GLYATL2: variants seen among roughly 807,000 people sequenced by gnomAD.
GLYATL2 encodes the protein glycine-N-acyltransferase like 2.
GLYATL2 carries 25 observed loss-of-function variants against 21.4 expected under a neutral mutation model. The ratio of observed to expected loss-of-function variants is 1.17; its 90% CI spans 0.85 to 1.63. The LOEUF is 1.63. GLYATL2 is among the 40% of genes most tolerant of loss of function. The pLI is 0.00. For synonymous variants in GLYATL2, 114 were observed against 118.2 expected (o/e 0.96, Z 0.23); for missense variants, 361 against 343.3 (o/e 1.05, Z -0.41).
chr11:58,852,265 C>T (rs1405381776), intron 1 of GLYATL2, among the ~76,000 whole-genome samples: 4 of 152,070 alleles, frequency 2.6e-5, no homozygotes, highest in African/African-American at 9.7e-5. Context: ...TATTAGATAC[C>T]CAACCCCATC....
At chr11:58,849,212 G>T (rs1257864971), upstream of GLYATL2, among the ~76,000 whole-genome samples, 1 of 152,106 alleles carries the variant, frequency 6.6e-6, no homozygotes, top group African/African-American at 2.4e-5. Flanking sequence ...AGAAAGAAAG[G>T]AACATTAGTG....
At chr11:58,902,683 T>G (rs1174556771) in intron 1 of GLYATL2, among the ~76,000 whole-genome samples, 2 of 152,212 alleles carry the variant, frequency 1.3e-5, no homozygotes, top group Non-Finnish European at 2.9e-5. Flanking sequence ...TTTGTGGGTT[T>G]GACTACCACA....
intron 1 of GLYATL2, among the ~76,000 whole-genome samples, chr11:58,866,022 T>G (rs1462279283): frequency 6.7e-6 from 1 of 148,862 alleles, no homozygotes; most frequent in Non-Finnish European, 1.5e-5. Flanking sequence ...AAGCATGTCC[T>G]GTGGATCCCA....
At position 58,899,360 on chromosome 11, in the gene GLYATL2, C is replaced by T. The variant is rs189699743; in HGVS notation, n.60+4796G>A. Among the ~76,000 whole-genome samples, 12 of 152,118 alleles carry T rather than the reference C, an allele frequency of 7.9e-5. No homozygotes were observed. The East Asian group carries it at 1.7e-3, about 22-fold the overall frequency. The stretch of plus-strand genomic sequence containing the variant: ...GGGGTGTTAAGAACTCCTCACTGCC[C>T]CTCTTGAAGCTTACATTCTGGAGCA... On this transcript the variant is annotated intron_variant and non_coding_transcript_variant, in intron 1 of 4. Transcript: ENST00000533636.
Position 58,896,728 on chromosome 11 carries a change from G to A in GLYATL2, n.60+7428C>T, listed in dbSNP as rs565775432. 5.2e-3 allele frequency among the ~76,000 whole-genome samples: 342 copies of A among 66,128 alleles called. 1 individual carries two copies. The highest frequency in any genetic ancestry group is 0.013 in the African/African-American group (327 of 24,688). 43.4% of individuals were successfully genotyped at this position (66,128 alleles called of 152,430 possible). A position where few individuals can be genotyped will look rare whatever the true frequency, so the allele number is the denominator to read the frequency against. On this transcript the variant is annotated intron_variant and non_coding_transcript_variant, in intron 1 of 4. Transcript: ENST00000533636. ...ACTTCTGTCGTTTTCAAACTTAAAC[G>A]TGTTTGTTTTGTTTTGTTTTTATTT...
In GLYATL2 at chr11:58,851,682, T is replaced by C. The variant is rs572871365; in HGVS notation, n.61-13314A>G. On this transcript the variant is annotated intron_variant and non_coding_transcript_variant, in intron 1 of 4. Transcript: ENST00000533636. ...TCTGAGAGACATGATTACTATTATA[T>C]GGTTCCTGGGTGTATCTTCCTCACT... Among the ~76,000 whole-genome samples the C allele has an allele frequency of 3.1e-3, 475 of 152,350 alleles. 1 individual carries two copies. The highest frequency in any genetic ancestry group is 5.5e-3 in the Non-Finnish European group (371 of 68,028).
intron 1 of GLYATL2, among the ~76,000 whole-genome samples, chr11:58,877,363 G>T (rs562562283): frequency 6.6e-6 from 1 of 152,126 alleles, no homozygotes; most frequent in African/African-American, 2.4e-5. Flanking sequence ...CTTCTGTGTC[G>T]CTCACACTGG....
chr11:58,878,751 A>G (rs1854282607), intron 1 of GLYATL2, among the ~76,000 whole-genome samples: 1 of 152,162 alleles, frequency 6.6e-6, no homozygotes, highest in African/African-American at 2.4e-5. Flanking sequence ...GGAATCCTGA[A>G]TTTCTGGAAA....
chr11:58,893,537 CT>C, intron 1 of GLYATL2: 1 of 160,514 alleles, frequency 6.2e-6, no homozygotes. Flanking sequence ...GCTTTCTTCA[CT>C]TACAAATGTT....
chr11:58,904,775 C>T (rs1259734448), upstream of GLYATL2, among the ~76,000 whole-genome samples: 1 of 152,210 alleles, frequency 6.6e-6, no homozygotes, highest in Non-Finnish European at 1.5e-5. Flanking sequence ...GTGTATTTTA[C>T]ATTAAGTTCA....
chr11:58,862,663 C>G (rs1022267627), intron 1 of GLYATL2, among the ~76,000 whole-genome samples: 1 of 152,098 alleles, frequency 6.6e-6, no homozygotes, highest in African/African-American at 2.4e-5. Context: ...TATGATTTCT[C>G]TTTGTTGAAC....
chr11:58,841,498 AGGTTCTGAAGGAC>A (rs2134576249), intron 1 of GLYATL2, among the ~76,000 whole-genome samples: 1 of 152,346 alleles, frequency 6.6e-6, no homozygotes, highest in South Asian at 2.1e-4. Flanking sequence ...TGTATATACA[AGGTTCTGAAGGAC>A]ATTTTAAAGA....
At chr11:58,855,159 A>G (rs1369072712) in intron 1 of GLYATL2, among the ~76,000 whole-genome samples, 1 of 152,146 alleles carries the variant, frequency 6.6e-6, no homozygotes, top group Non-Finnish European at 1.5e-5. Context: ...CTTCCAAGAG[A>G]TTTTCAATTT....
At chr11:58,883,296 A>G (rs1047432763) in intron 1 of GLYATL2, among the ~76,000 whole-genome samples, 6 of 152,178 alleles carry the variant, frequency 3.9e-5, no homozygotes, top group African/African-American at 1.4e-4. Flanking sequence ...TTTTGAAAAG[A>G]TCAACAAAAT....
At chr11:58,856,479 G>A (rs1853829415) in intron 1 of GLYATL2, among the ~76,000 whole-genome samples, 1 of 152,138 alleles carries the variant, frequency 6.6e-6, no homozygotes, top group Admixed American at 6.5e-5. Context: ...CTAGCTTTTG[G>A]ACTGTCTTGG....
upstream of GLYATL2, chr11:58,907,322 G>T (rs1299011030): frequency 2.2e-6 from 1 of 456,252 alleles, no homozygotes; most frequent in Non-Finnish European, 4.4e-6. Context: ...ACTTCCAATT[G>T]TCTTTGTCTT....
intron 1 of GLYATL2, among the ~76,000 whole-genome samples, chr11:58,864,872 A>G (rs1853996836): frequency 6.7e-6 from 1 of 149,080 alleles, no homozygotes; most frequent in Non-Finnish European, 1.5e-5. Flanking sequence ...AATGATTTTC[A>G]AAGTGCCTCA....
At chr11:58,890,878 A>T (rs907173309) in intron 1 of GLYATL2, among the ~76,000 whole-genome samples, 1 of 151,560 alleles carries the variant, frequency 6.6e-6, no homozygotes, top group Non-Finnish European at 1.5e-5. Flanking sequence ...CTCTTTTGCC[A>T]TTTAAAAATG....
chr11:58,837,299 G>A lies in GLYATL2; in HGVS notation c.285C>T (p.Ile95=). The change falls in exon 4 of 6, where the codon ATC becomes ATT. Residue 95 remains isoleucine, a synonymous_variant. Transcript: ENST00000287275. The stretch of plus-strand genomic sequence containing the variant: ...GGATCTGCAAAGTTTGCTCCCAGCT[G>A]ATTACATTGGAGTATGACAGGACTT... ...LEEVLSYSNV[I]SWEQTLQIQG... 6.2e-7 allele frequency: 1 copy of A among 1,613,934 alleles called. No individual in the cohort carries two copies. Among genetic ancestry groups the A allele is most frequent in the Non-Finnish European group, 8.5e-7 (1 of 1,179,844 alleles).
Sources: gnomAD v4.1 joint callset for allele counts (sites outside exome capture counted in the v4.1 genomes callset) on GRCh38, gnomAD v4.1.1 for gene constraint, MANE v1.5 for transcripts, NCBI Gene and HGNC (gene_info 2026-07-23, HGNC 2026-07-21) for gene names.